TENM2: variants seen among roughly 807,000 people sequenced by gnomAD.
TENM2 encodes the protein teneurin-2.
A neutral mutation model predicts 245.2 loss-of-function variants in TENM2; 52 were observed. The observed-to-expected ratio is 0.21, with a 90% confidence interval of 0.17 to 0.27. TENM2 has a LOEUF of 0.27. TENM2 is among the 10% of genes least tolerant of loss of function. TENM2 has a pLI of 1.00. For missense variants in TENM2, 3,046 were observed against 3,666.8 expected, an observed-to-expected ratio of 0.83 and a Z score of 4.37; for synonymous variants, 1,363 against 1,438.9, an observed-to-expected ratio of 0.95 and a Z score of 1.19.
chr5:167,142,893 C>CAT, the TENM2 span, among the ~76,000 whole-genome samples: 7,537 of 152,224 alleles, frequency 0.05, 623 homozygotes, highest in African/African-American at 0.17. Flanking sequence ...GCCCTCACTG[C>CAT]TAGTCCTATA....
At chr5:167,202,790 T>C in the TENM2 span, among the ~76,000 whole-genome samples, 1 of 152,128 alleles carries the variant, frequency 6.6e-6, no homozygotes, top group African/African-American at 2.4e-5. Flanking sequence ...CTGTGGCCTG[T>C]GTCTGAGATC....
chr5:167,029,098 CTTAAT>C, the TENM2 span, among the ~76,000 whole-genome samples: 2 of 152,090 alleles, frequency 1.3e-5, no homozygotes, highest in Admixed American at 6.5e-5. Context: ...CAACACTGTA[CTTAAT>C]TTTAGTTTTT....
chr5:168,062,393 G>A (rs1790124163), intron 7 of TENM2, 128 bp downstream of exon 9: 10 of 752,746 alleles, frequency 1.3e-5, no homozygotes, highest in Middle Eastern at 3.4e-4. Context: ...AAATGTTGGC[G>A]AGAATTTGGA....
At chr5:167,081,284 A>G in the TENM2 span, among the ~76,000 whole-genome samples, 2 of 152,058 alleles carry the variant, frequency 1.3e-5, no homozygotes, top group Admixed American at 1.3e-4. Flanking sequence ...AGATCAAGGT[A>G]TTTATGATCC....
chr5:168,145,080 G>GC (rs1755927105), intron 12 of TENM2, among the ~76,000 whole-genome samples: 1 of 151,152 alleles, frequency 6.6e-6, no homozygotes, highest in Non-Finnish European at 1.5e-5. Context: ...CTGGATATTA[G>GC]CCCTTTGTCA....
At chr5:167,463,895 C>A (rs1766483035) in intron 2 of TENM2, among the ~76,000 whole-genome samples, 1 of 152,146 alleles carries the variant, frequency 6.6e-6, no homozygotes, top group Non-Finnish European at 1.5e-5. Context: ...GGTTTCCTTT[C>A]ATAGAAGGAA....
At chr5:167,625,986 A>T (rs867505876) in intron 2 of TENM2, among the ~76,000 whole-genome samples, 6 of 152,136 alleles carry the variant, frequency 3.9e-5, no homozygotes, top group Non-Finnish European at 8.8e-5. Flanking sequence ...AGAAGAAGAC[A>T]TCTCTTCTAT....
At chr5:168,253,832 C>T (rs1404078153) in intron 27 of TENM2, among the ~76,000 whole-genome samples, 2 of 152,214 alleles carry the variant, frequency 1.3e-5, no homozygotes, top group Non-Finnish European at 2.9e-5. Context: ...GGAGAACGGT[C>T]TCCCGATCCA....
chr5:167,801,163 C>G (rs1238963858), intron 2 of TENM2, among the ~76,000 whole-genome samples: 2 of 116,078 alleles, frequency 1.7e-5, no homozygotes, highest in African/African-American at 3.3e-5. Context: ...TGTATATATT[C>G]CCCAGGGTCA....
intron 10 of TENM2, among the ~76,000 whole-genome samples, chr5:168,120,553 T>A (rs557202640): frequency 2.5e-4 from 38 of 152,232 alleles, no homozygotes; most frequent in Non-Finnish European, 5.1e-4. Context: ...GAATCTCAAG[T>A]GATTTCTCAA....
chr5:167,809,155 A>T (rs750663183), intron 2 of TENM2, among the ~76,000 whole-genome samples: 73 of 152,180 alleles, frequency 4.8e-4, no homozygotes, highest in Admixed American at 1.2e-3. Flanking sequence ...ACAGAAAAGA[A>T]CCAAGATCCA....
chr5:167,300,020 C>T (rs1393132961), intron 1 of TENM2, among the ~76,000 whole-genome samples: 4 of 152,170 alleles, frequency 2.6e-5, no homozygotes, highest in East Asian at 1.9e-4. Context: ...TGCACGCAGA[C>T]ATGAGGGCTA....
chr5:167,744,857 A>G (rs1285966461), intron 2 of TENM2, among the ~76,000 whole-genome samples: 1 of 151,906 alleles, frequency 6.6e-6, no homozygotes, highest in Non-Finnish European at 1.5e-5. Context: ...AAAAACCGTG[A>G]TGGGTTTAGT....
intron 2 of TENM2, among the ~76,000 whole-genome samples, chr5:167,781,285 T>C (rs550358726): frequency 1.6e-4 from 25 of 152,360 alleles, no homozygotes; most frequent in African/African-American, 4.8e-4. Context: ...CACTCCAGCC[T>C]AGGCCCTAAG....
intron 6 of TENM2, among the ~76,000 whole-genome samples, chr5:168,058,096 C>T (rs777763265): frequency 7.2e-5 from 11 of 152,144 alleles, no homozygotes; most frequent in South Asian, 2.1e-4. Context: ...ACATAATGAG[C>T]GGAGTTGTGC....
chr5:167,875,826 G>A (rs967840434), intron 2 of TENM2, among the ~76,000 whole-genome samples, 160 bp from the exon 5 acceptor site: 3 of 150,990 alleles, frequency 2.0e-5, no homozygotes, highest in Non-Finnish European at 4.4e-5. Context: ...GACTTTTGGA[G>A]AAACATCAAA....
At chr5:167,724,474 G>A (rs909275828) in intron 2 of TENM2, among the ~76,000 whole-genome samples, 2 of 152,174 alleles carry the variant, frequency 1.3e-5, no homozygotes, top group African/African-American at 4.8e-5. Context: ...GCTAGGGAAA[G>A]AGGGATGTAC....
At chr5:168,154,146 TTA>T (rs1562223636) in intron 12 of TENM2, among the ~76,000 whole-genome samples, 1 of 75,752 alleles carries the variant, frequency 1.3e-5, no homozygotes, top group African/African-American at 6.0e-5. Context: ...ATCACCTACT[TTA>T]AAAAAAAAAA....
rs533263462 is a variant in TENM2 at position 167,530,543 on chromosome 5, A to G, written c.502+155070A>G. Among the ~76,000 whole-genome samples, 348 of 152,308 alleles carry G rather than the reference A, an allele frequency of 2.3e-3. 1 individual carries two copies. The highest frequency in any genetic ancestry group is 5.1e-3 in the African/African-American group (210 of 41,572). On this transcript the variant is annotated intron_variant, in intron 2 of 28. Coordinates refer to ENST00000518659, the Ensembl canonical transcript of TENM2. The stretch of plus-strand genomic sequence containing the variant: ...TTCTCACAAAATGGCAGTTATCAGC[A>G]GAAAGCCCTGGTTTAAGTTTTCACT...
Sources: allele counts gnomAD v4.1 joint callset (sites outside exome capture counted in the v4.1 genomes callset), GRCh38; gene constraint gnomAD v4.1.1; transcripts MANE v1.5; gene names NCBI Gene and HGNC (gene_info 2026-07-23, HGNC 2026-07-21).